ARMC2: variants seen among roughly 807,000 people sequenced by gnomAD.
ARMC2 encodes the protein armadillo repeat containing 2.
ARMC2 carries 67 observed loss-of-function variants against 90.3 expected under a neutral mutation model. The ratio of observed to expected loss-of-function variants is 0.74; its 90% CI spans 0.61 to 0.91. The LOEUF is 0.91. ARMC2 is among the 40% of genes least tolerant of loss of function. The pLI is 0.00. For synonymous variants in ARMC2, 393 were observed against 393.0 expected, an observed-to-expected ratio of 1.00 and a Z score of 0.00; for missense variants, 920 against 1,030.9, an observed-to-expected ratio of 0.89 and a Z score of 1.47.
chr6:109,045,917 C>T, the ARMC2 span, among the ~76,000 whole-genome samples: 5 of 152,154 alleles, frequency 3.3e-5, no homozygotes, highest in African/African-American at 9.7e-5. Context: ...TGGAAGAACT[C>T]TGATTGAAAA....
chr6:108,957,287 G>A (rs773885541), intron 13 of ARMC2, among the ~76,000 whole-genome samples: 6 of 152,148 alleles, frequency 3.9e-5, no homozygotes, highest in South Asian at 2.1e-4. Flanking sequence ...TACACAGCTC[G>A]ACTCCTGGGT....
At chr6:108,957,023 G>A (rs1777633346) in intron 13 of ARMC2, among the ~76,000 whole-genome samples, 1 of 152,174 alleles carries the variant, frequency 6.6e-6, no homozygotes, top group African/African-American at 2.4e-5. Context: ...GATACAGGTG[G>A]TCAAGGGCCT....
intron 12 of ARMC2, among the ~76,000 whole-genome samples, chr6:108,937,776 G>A (rs961543643): frequency 6.6e-6 from 1 of 151,946 alleles, no homozygotes; most frequent in Non-Finnish European, 1.5e-5. Flanking sequence ...CTCACTGCAA[G>A]CTCCACCTCC....
intron 15 of ARMC2, among the ~76,000 whole-genome samples, chr6:108,963,087 AATGTT>A (rs2128513302): frequency 6.6e-6 from 1 of 152,296 alleles, no homozygotes; most frequent in South Asian, 2.1e-4. Context: ...TTGGACCTAT[AATGTT>A]ATTTATTATC....
At chr6:108,994,532 CTCT>C in the ARMC2 span, 9 of 1,613,422 alleles carry the variant, frequency 5.6e-6, no homozygotes, top group Middle Eastern at 1.6e-4. Flanking sequence ...CCTGACTTGC[CTCT>C]TCTTCATCTC....
chr6:108,912,445 G>T lies in ARMC2; in HGVS notation c.1237G>T (p.Glu413Ter). 1 of 1,613,832 alleles carries T rather than the reference G, an allele frequency of 6.2e-7. No individual in the cohort carries two copies. The highest frequency in any genetic ancestry group is 8.5e-7 in the Non-Finnish European group (1 of 1,179,740). ...FISGNLGFLN[E>*]MISKGAVEIL... The stretch of plus-strand genomic sequence containing the variant: ...TTCTGGAAATCTGGGATTTCTTAAT[G>T]AAATGATCAGCAAAGGTGCTGTGGA... The change falls in exon 10 of 18, where the codon GAA (glutamate) becomes TAA (stop). Residue 413 changes from glutamate (E) to a stop codon, truncating the protein, a stop_gained. Transcript: ENST00000392644. LOFTEE classifies it high-confidence loss of function.
intron 5 of ARMC2, among the ~76,000 whole-genome samples, chr6:108,891,662 A>C (rs540022206): frequency 4.6e-5 from 7 of 152,214 alleles, no homozygotes; most frequent in African/African-American, 1.7e-4. Context: ...TGTCAGATGG[A>C]TAGACTGCAA....
the ARMC2 span, among the ~76,000 whole-genome samples, chr6:108,997,137 T>G: frequency 6.6e-6 from 1 of 152,192 alleles, no homozygotes; most frequent in East Asian, 1.9e-4. Context: ...ACTGTCAAAG[T>G]GTCATCAGGG....
chr6:109,015,255 C>T, the ARMC2 span, among the ~76,000 whole-genome samples: 1 of 152,102 alleles, frequency 6.6e-6, no homozygotes, highest in Non-Finnish European at 1.5e-5. Context: ...AGAATCTCTC[C>T]ACTTCTCCTT....
At chr6:108,972,695 T>G (rs6907937) in intron 17 of ARMC2, among the ~76,000 whole-genome samples, 26,902 of 152,098 alleles carry the variant, frequency 0.18, 2,716 homozygotes, top group African/African-American at 0.27. Flanking sequence ...ACAGGGTCTC[T>G]CTGTGTCTCT....
intron 12 of ARMC2, among the ~76,000 whole-genome samples, chr6:108,939,631 A>G (rs554332489): frequency 1.0e-3 from 157 of 152,292 alleles, no homozygotes; most frequent in African/African-American, 3.7e-3. Context: ...AGCCAATTCA[A>G]TCTCTTTTCT....
the ARMC2 span, among the ~76,000 whole-genome samples, chr6:109,029,539 A>G: frequency 6.6e-6 from 1 of 152,034 alleles, no homozygotes; most frequent in African/African-American, 2.4e-5. Flanking sequence ...AGATTTGTCT[A>G]TTCTGTTTCT....
At chr6:108,941,531 G>A (rs1169334593) in intron 12 of ARMC2, among the ~76,000 whole-genome samples, 2 of 152,222 alleles carry the variant, frequency 1.3e-5, no homozygotes, top group African/African-American at 4.8e-5. Flanking sequence ...ACATATTGGT[G>A]TTTGAACTTG....
At chr6:108,918,312 G>A (rs143735872) in intron 10 of ARMC2, among the ~76,000 whole-genome samples, 19 of 152,232 alleles carry the variant, frequency 1.2e-4, no homozygotes, top group South Asian at 1.0e-3. Flanking sequence ...TACAGAGAGC[G>A]TGTAGGAGAA....
chr6:108,927,709 T>TAAA (rs34790939), intron 10 of ARMC2, among the ~76,000 whole-genome samples: 2 of 145,144 alleles, frequency 1.4e-5, no homozygotes, highest in Admixed American at 6.8e-5. Context: ...CCTATAAAAT[T>TAAA]AAAAAAAAAA....
the ARMC2 span, among the ~76,000 whole-genome samples, chr6:109,050,316 A>G: frequency 1.3e-5 from 2 of 151,954 alleles, no homozygotes; most frequent in Admixed American, 6.6e-5. Flanking sequence ...CAGTCAAAAC[A>G]TTCAGCGGCT....
At chr6:108,857,584 C>T (rs1774778399) in intron 2 of ARMC2, among the ~76,000 whole-genome samples, 1 of 152,154 alleles carries the variant, frequency 6.6e-6, no homozygotes, top group Non-Finnish European at 1.5e-5. Flanking sequence ...TGCCTTCTTC[C>T]TCATCTTAGT....
At chr6:108,990,841 T>A in the ARMC2 span, 2 of 1,611,580 alleles carry the variant, frequency 1.2e-6, no homozygotes, top group Admixed American at 3.3e-5. Flanking sequence ...TAGTCCTAAA[T>A]ACAGGGAATA....
chr6:109,035,105 G>C, the ARMC2 span, among the ~76,000 whole-genome samples: 1 of 152,072 alleles, frequency 6.6e-6, no homozygotes, highest in African/African-American at 2.4e-5. Context: ...TCATTCAGCT[G>C]CCCCACCACT....
Sources: gnomAD v4.1 joint callset for allele counts (sites outside exome capture counted in the v4.1 genomes callset) on GRCh38, gnomAD v4.1.1 for gene constraint, MANE v1.5 for transcripts, NCBI Gene and HGNC (gene_info 2026-07-23, HGNC 2026-07-21) for gene names.